ARHGAP24: variants seen among roughly 807,000 people sequenced by gnomAD.
The protein encoded by ARHGAP24 is rho GTPase-activating protein 24.
Under a neutral mutation model 76.4 loss-of-function variants are expected in ARHGAP24, and 50 were observed. The ratio of observed to expected loss-of-function variants is 0.65; its 90% CI spans 0.52 to 0.83. ARHGAP24 has a LOEUF of 0.83. Ranked by LOEUF, ARHGAP24 falls within the 40% of genes least tolerant of loss-of-function variation. ARHGAP24 has a pLI of 0.00. For synonymous variants in ARHGAP24, 345 were observed against 323.3 expected, an observed-to-expected ratio of 1.07 and a Z score of -0.72; for missense variants, 930 against 914.2, an observed-to-expected ratio of 1.02 and a Z score of -0.22.
At chr4:85,566,153 C>A (rs914638764) in intron 1 of ARHGAP24, among the ~76,000 whole-genome samples, 2 of 152,196 alleles carry the variant, frequency 1.3e-5, no homozygotes, top group East Asian at 1.9e-4. Flanking sequence ...TTTGGAATAA[C>A]TGTTTATTTA....
chr4:85,508,746 C>T (rs189006042), intron 1 of ARHGAP24, among the ~76,000 whole-genome samples: 36 of 152,274 alleles, frequency 2.4e-4, no homozygotes, highest in Admixed American at 6.5e-4. Context: ...TCTCCCCTCT[C>T]CACGGATCTA....
intron 3 of ARHGAP24, among the ~76,000 whole-genome samples, chr4:85,835,208 C>A (rs1730194637): frequency 6.6e-6 from 1 of 151,700 alleles, no homozygotes; most frequent in Admixed American, 6.6e-5. Context: ...GCTTGTTTTT[C>A]TCTTCTTGTA....
intron 1 of ARHGAP24, among the ~76,000 whole-genome samples, chr4:85,541,041 G>A (rs929454906): frequency 1.6e-5 from 2 of 128,220 alleles, no homozygotes; most frequent in East Asian, 2.1e-4. Context: ...ACACAATCCG[G>A]TATTTGTGCA....
chr4:85,488,544 C>T lies in ARHGAP24; in HGVS notation c.-21+12985C>T, dbSNP rs539437227. Among the ~76,000 whole-genome samples the T allele has an allele frequency of 5.9e-5, 9 of 152,266 alleles. No individual in the cohort carries two copies. In the South Asian group the frequency reaches 1.9e-3, roughly 32 times the overall value. On this transcript the variant is annotated intron_variant, in intron 1 of 9. Coordinates refer to ENST00000395184, the MANE Select transcript of ARHGAP24 (RefSeq NM_001025616.3). ...CAGCTATTACCATCTCTCCTCCAAT[C>T]TTTCCATTGGAAAATGAATCCAAAG... is the stretch of plus-strand genomic sequence containing the variant.
chr4:85,830,547 T>A (rs1178195100), intron 3 of ARHGAP24, among the ~76,000 whole-genome samples: 1 of 152,226 alleles, frequency 6.6e-6, no homozygotes, highest in Non-Finnish European at 1.5e-5. Flanking sequence ...GCTTATGGGA[T>A]TGGCTTACAG....
chr4:85,765,525 A>T (rs1420035916), intron 3 of ARHGAP24, among the ~76,000 whole-genome samples: 1 of 152,146 alleles, frequency 6.6e-6, no homozygotes, highest in Admixed American at 6.5e-5. Flanking sequence ...ATATTTTCTT[A>T]CATCTCCAAG....
chr4:85,787,735 A>T (rs960663008), intron 3 of ARHGAP24, among the ~76,000 whole-genome samples: 3 of 152,190 alleles, frequency 2.0e-5, no homozygotes, highest in Non-Finnish European at 4.4e-5. Flanking sequence ...ACAAAGAGAC[A>T]TCAGGTTCTT....
intron 5 of ARHGAP24, among the ~76,000 whole-genome samples, chr4:85,971,751 C>T (rs1433183023): frequency 4.0e-5 from 6 of 151,626 alleles, no homozygotes; most frequent in African/African-American, 1.5e-4. Context: ...GTTAACTATC[C>T]CCACTCCCAC....
In ARHGAP24 at chr4:85,994,965, C is replaced by T. The variant is rs778553045; in HGVS notation, c.1311C>T (p.Ser437=). 1 of 1,614,116 alleles carries T rather than the reference C, an allele frequency of 6.2e-7. No individual in the cohort carries two copies. The highest frequency in any genetic ancestry group is 1.7e-5 in the Admixed American group (1 of 60,016). Residue 437 remains serine, a synonymous_variant, in exon 9 of 10, where the codon TCC becomes TCT. Coordinates refer to ENST00000395184, the MANE Select transcript of ARHGAP24 (RefSeq NM_001025616.3). ...NKGSGIVTNG[S]FSSSNAEGLE... is the part of the protein sequence containing the mutation. ...GTAGTGGGATAGTTACCAATGGGTC[C>T]TTCAGCAGCAGTAATGCAGAAGGTC... is the stretch of plus-strand genomic sequence containing the variant.
intron 1 of ARHGAP24, among the ~76,000 whole-genome samples, chr4:85,509,851 T>C (rs925602393): frequency 1.3e-5 from 2 of 152,114 alleles, no homozygotes; most frequent in Non-Finnish European, 2.9e-5. Context: ...ATGGAATATA[T>C]TACATTTAAA....
chr4:85,802,278 C>T (rs1178155434), intron 3 of ARHGAP24, among the ~76,000 whole-genome samples: 1 of 152,106 alleles, frequency 6.6e-6, no homozygotes, highest in Non-Finnish European at 1.5e-5. Flanking sequence ...ATTTATATGA[C>T]CCACCTATAT....
chr4:85,774,536 AGG>A (rs1727239298), intron 3 of ARHGAP24, among the ~76,000 whole-genome samples: 1 of 152,228 alleles, frequency 6.6e-6, no homozygotes, highest in Non-Finnish European at 1.5e-5. Flanking sequence ...TGCAGCATTC[AGG>A]AAATGAAAGA....
chr4:85,735,124 T>G (rs1018058077), intron 3 of ARHGAP24, among the ~76,000 whole-genome samples: 10 of 152,178 alleles, frequency 6.6e-5, no homozygotes, highest in Admixed American at 2.0e-4. Context: ...TGTTATGTAA[T>G]TTTGGCTCCT....
chr4:85,711,724 G>A (rs1429868667), intron 2 of ARHGAP24, among the ~76,000 whole-genome samples: 6 of 152,112 alleles, frequency 3.9e-5, no homozygotes, highest in Non-Finnish European at 7.4e-5. Context: ...TGTATTCAGC[G>A]TTATCAGGTT....
At chr4:85,755,621 C>CTTTT (rs1333998454) in intron 3 of ARHGAP24, among the ~76,000 whole-genome samples, 2 of 21,376 alleles carry the variant, frequency 9.4e-5, no homozygotes, top group Non-Finnish European at 9.9e-4. Flanking sequence ...AGCTTCTATT[C>CTTTT]TTTTGTTTTG....
At chr4:85,510,693 T>C (rs1724245852) in intron 1 of ARHGAP24, among the ~76,000 whole-genome samples, 1 of 147,888 alleles carries the variant, frequency 6.8e-6, no homozygotes, top group Non-Finnish European at 1.5e-5. Flanking sequence ...CACTGCTCTA[T>C]GTACCCTGCT....
chr4:85,694,411 C>T (rs1723793974), intron 2 of ARHGAP24, among the ~76,000 whole-genome samples: 1 of 152,146 alleles, frequency 6.6e-6, no homozygotes, highest in Non-Finnish European at 1.5e-5. Flanking sequence ...AACGTAAGCT[C>T]TAGTGGAGTA....
At chr4:85,920,002 A>G (rs1735634735) in intron 3 of ARHGAP24, among the ~76,000 whole-genome samples, 1 of 152,220 alleles carries the variant, frequency 6.6e-6, no homozygotes, top group Non-Finnish European at 1.5e-5. Context: ...ATGCATATTA[A>G]CGTATGGTAT....
At chr4:85,507,508 G>A (rs1324981508) in intron 1 of ARHGAP24, among the ~76,000 whole-genome samples, 1 of 152,228 alleles carries the variant, frequency 6.6e-6, no homozygotes, top group Non-Finnish European at 1.5e-5. Context: ...AATGTCATCA[G>A]TGATAAGTGT....
Sources: gnomAD v4.1 joint callset for allele counts (sites outside exome capture counted in the v4.1 genomes callset) on GRCh38, gnomAD v4.1.1 for gene constraint, MANE v1.5 for transcripts, NCBI Gene and HGNC (gene_info 2026-07-23, HGNC 2026-07-21) for gene names.